The following INPP4B variants were observed in gnomAD, a reference collection of about 807,000 sequenced individuals.
The protein encoded by INPP4B is inositol polyphosphate-4-phosphatase type II B.
In INPP4B, 55 loss-of-function variants were observed where a neutral mutation model predicts 122.5. The ratio of observed to expected loss-of-function variants is 0.45; its 90% CI spans 0.36 to 0.56. The LOEUF (loss-of-function observed/expected upper bound fraction) is 0.56, where lower values mean the gene tolerates loss of function less well. Among genes scored for constraint, INPP4B ranks in the 20% least tolerant of loss-of-function variants. The pLI is 0.00. For missense variants in INPP4B, 1,000 were observed against 1,097.7 expected, an observed-to-expected ratio of 0.91 and a Z score of 1.26; for synonymous variants, 403 against 388.7, an observed-to-expected ratio of 1.04 and a Z score of -0.43.
chr4:142,641,695 C>A (rs1033583424), intron 2 of INPP4B, among the ~76,000 whole-genome samples: 13 of 152,080 alleles, frequency 8.5e-5, no homozygotes, highest in Admixed American at 2.6e-4. Flanking sequence ...GGTTCCAAGT[C>A]TTTGCTATTG....
intron 25 of INPP4B, among the ~76,000 whole-genome samples, chr4:142,040,676 C>A (rs935395580): frequency 2.6e-5 from 4 of 151,976 alleles, no homozygotes; most frequent in Admixed American, 6.6e-5. Flanking sequence ...GTTCCAATAC[C>A]ATGTAATTAT....
At chr4:142,513,415 T>C (rs1580253815) in intron 2 of INPP4B, among the ~76,000 whole-genome samples, 1 of 149,612 alleles carries the variant, frequency 6.7e-6, no homozygotes, top group Non-Finnish European at 1.5e-5. Context: ...GTCTCTCTCT[T>C]TTTTTTTTTG....
chr4:142,155,064 C>A (rs1816452771), intron 17 of INPP4B, among the ~76,000 whole-genome samples: 1 of 151,564 alleles, frequency 6.6e-6, no homozygotes. Context: ...ATGCATCTAT[C>A]ACTTACAAAA....
chr4:142,293,752 G>A (rs896939133), intron 9 of INPP4B, among the ~76,000 whole-genome samples: 6 of 152,192 alleles, frequency 3.9e-5, no homozygotes, highest in African/African-American at 7.2e-5. Flanking sequence ...GTCATTTAAC[G>A]GTTTAGGGTA....
intron 11 of INPP4B, among the ~76,000 whole-genome samples, chr4:142,246,045 C>CAT (rs1220352021): frequency 2.9e-4 from 24 of 82,942 alleles, no homozygotes; most frequent in African/African-American, 8.2e-4. Context: ...TGTGTGTATA[C>CAT]ACACATTATA....
chr4:142,040,208 G>C (rs1912714), intron 25 of INPP4B, among the ~76,000 whole-genome samples: 15,558 of 152,016 alleles, frequency 0.1, 1,437 homozygotes, highest in African/African-American at 0.25. Flanking sequence ...TGTCCAGGAG[G>C]GTGAAGCCTT....
At chr4:142,174,400 T>C (rs544631348) in intron 15 of INPP4B, among the ~76,000 whole-genome samples, 2 of 152,184 alleles carry the variant, frequency 1.3e-5, no homozygotes, top group East Asian at 3.9e-4. Flanking sequence ...TTTCCCCCCA[T>C]GTTACTAGGT....
At chr4:142,152,060 T>C in intron 17 of INPP4B, among the ~76,000 whole-genome samples, 1 of 131,678 alleles carries the variant, frequency 7.6e-6, no homozygotes, top group Admixed American at 8.8e-5. Flanking sequence ...TGCTTTTTTG[T>C]CTTTTCTTTT....
rs570920852 is a variant in INPP4B, at chr4:142,293,615, C to T, written c.503+11843G>A. On this transcript the variant is annotated intron_variant, in intron 9 of 25. Coordinates refer to ENST00000262992, the MANE Select transcript of INPP4B (RefSeq NM_001101669.3). ...GTTTCCCTATCTTCCATGAATTAAA[C>T]AGTATTCATTTTTTCCCTGACTCAA... 7.2e-5 allele frequency among the ~76,000 whole-genome samples: 11 copies of T among 152,210 alleles called. No homozygotes were observed. The East Asian group carries it at 9.7e-4, about 13-fold the overall frequency.
At chr4:142,234,465 T>A (rs1288778372) in intron 12 of INPP4B, among the ~76,000 whole-genome samples, 5 of 152,204 alleles carry the variant, frequency 3.3e-5, no homozygotes, top group African/African-American at 1.2e-4. Context: ...AATAACTGTA[T>A]CTTCTTACAC....
rs780507058 is a variant in INPP4B, at chr4:142,405,164, A to G, written c.255+42T>C. 5 of 855,292 alleles carry G rather than the reference A, an allele frequency of 5.8e-6. No homozygotes were observed. The African/African-American group carries it at 8.5e-5, about 15-fold the overall frequency. The allele number at this position is 855,292 out of a possible 1,614,324, so 53.0% of individuals were successfully genotyped here. On this transcript the variant is annotated intron_variant, in intron 6 of 25. Transcript: ENST00000262992. ...GCAAGAGCGAGCGAGCCAGCAAGAG[A>G]GAGAGAGAGAGAGAGATTAATGTAG...
intron 2 of INPP4B, among the ~76,000 whole-genome samples, chr4:142,473,886 C>A (rs1320653524): frequency 6.6e-6 from 1 of 152,130 alleles, no homozygotes; most frequent in Non-Finnish European, 1.5e-5. Context: ...CGGGAAGCAC[C>A]CAGATGACAA....
chr4:142,218,816 AT>A (rs1561518192), intron 12 of INPP4B, among the ~76,000 whole-genome samples: 1 of 152,208 alleles, frequency 6.6e-6, no homozygotes, highest in Non-Finnish European at 1.5e-5. Flanking sequence ...GTCATAAAAA[AT>A]TTATTCACTA....
At chr4:142,508,295 A>C (rs1824269235) in intron 2 of INPP4B, among the ~76,000 whole-genome samples, 1 of 152,134 alleles carries the variant, frequency 6.6e-6, no homozygotes, top group African/African-American at 2.4e-5. Context: ...TTGTTTCAGC[A>C]GAGTTGAATT....
At chr4:142,422,656 G>GA (rs1302172375) in intron 5 of INPP4B, among the ~76,000 whole-genome samples, 7 of 151,746 alleles carry the variant, frequency 4.6e-5, no homozygotes, top group Admixed American at 3.9e-4. Context: ...AAATAAAAAT[G>GA]AAAAAAACTA....
intron 2 of INPP4B, among the ~76,000 whole-genome samples, chr4:142,625,860 C>A (rs1420742698): frequency 1.3e-5 from 2 of 152,072 alleles, no homozygotes; most frequent in Non-Finnish European, 2.9e-5. Flanking sequence ...TTTGACAAAC[C>A]TGACAAAAAC....
intron 11 of INPP4B, among the ~76,000 whole-genome samples, chr4:142,243,415 A>G (rs545442364): frequency 6.6e-6 from 1 of 152,314 alleles, no homozygotes; most frequent in East Asian, 1.9e-4. Context: ...ATGAAAACAT[A>G]TGGAAATTTC....
intron 25 of INPP4B, among the ~76,000 whole-genome samples, chr4:142,035,784 C>T (rs973268184): frequency 2.0e-5 from 3 of 152,174 alleles, no homozygotes; most frequent in Non-Finnish European, 4.4e-5. Flanking sequence ...TTGAATAATT[C>T]TGGCAATGAG....
chr4:142,778,831 A>G (rs926867094), intron 1 of INPP4B, among the ~76,000 whole-genome samples: 1 of 152,136 alleles, frequency 6.6e-6, no homozygotes, highest in Non-Finnish European at 1.5e-5. Context: ...TTCTGGATCT[A>G]CAGTTTTTAA....
Sources: allele counts gnomAD v4.1 joint callset (sites outside exome capture counted in the v4.1 genomes callset), GRCh38; gene constraint gnomAD v4.1.1; transcripts MANE v1.5; gene names NCBI Gene and HGNC (gene_info 2026-07-23, HGNC 2026-07-21).